The following OR5H1 variants were observed in gnomAD, a reference collection of about 807,000 sequenced individuals.
OR5H1 encodes olfactory receptor family 5 subfamily H member 1, also known as olfactory receptor 5H1.
For synonymous variants in OR5H1, 124 were observed against 134.4 expected (o/e 0.92, Z 0.54); for missense variants, 378 against 366.8 (o/e 1.03, Z -0.25).
At chr3:98,131,008 A>G (rs1708250193) in intron 1 of OR5H1, among the ~76,000 whole-genome samples, 158 bp downstream of exon 1, 1 of 152,030 alleles carries the variant, frequency 6.6e-6, no homozygotes, top group Non-Finnish European at 1.5e-5. Context: ...TTTTAGTTTT[A>G]TGACTCTAAT....
In OR5H1 at chr3:98,133,520, C is replaced by T. The variant is rs777374780; in HGVS notation, c.823C>T (p.Pro275Ser). 5.0e-6 allele frequency: 8 copies of T among 1,613,150 alleles called. No individual in the cohort carries two copies. The highest frequency in any genetic ancestry group is 6.8e-6 in the Non-Finnish European group (8 of 1,179,358). Residue 275 changes from proline (P) to serine (S), a missense_variant, in exon 2 of 2, where the codon CCT (proline) becomes TCT (serine). Pro to Ser is a moderately conservative substitution (Grantham distance 74). Transcript: ENST00000641874. ...AGCAGATGATCAAGATATGGTGGAG[C>T]CTCTATTCTACACTGTCATCATTCC... is the stretch of plus-strand genomic sequence containing the variant. ...PQADDQDMVE[P>S]LFYTVIIPLL...
Position 98,133,303 on chromosome 3 carries a change from C to T in OR5H1, c.606C>T (p.Phe202=), listed in dbSNP as rs549344883. 3.1e-6 allele frequency: 5 copies of T among 1,612,640 alleles called. No homozygotes were observed. Among genetic ancestry groups the T allele is most frequent in the Admixed American group, 1.7e-5 (1 of 59,798 alleles). The change falls in exon 2 of 2, where the codon TTC becomes TTT. Residue 202 remains phenylalanine (F), a synonymous_variant. Coordinates refer to ENST00000641874, the MANE Select transcript of OR5H1 (RefSeq NM_001005338.2). ...SSINFLMVFI[F]SGSIQVFSIV... The stretch of plus-strand genomic sequence containing the variant: ...TTAATTTTCTAATGGTTTTTATTTT[C>T]TCAGGTTCAATTCAGGTATTCAGCA...
rs768766774 is a variant in OR5H1 at position 98,133,170 on chromosome 3, T to G, written c.473T>G (p.Ile158Ser). ...SYVGGILHALIHEGFLFRLTF... is the reference protein window; with the variant it reads ...SYVGGILHALSHEGFLFRLTF... ...GTAGGTGGTATTCTTCATGCTTTAA[T>G]CCATGAAGGATTTTTATTCAGACTA... Residue 158 changes from isoleucine (I) to serine (S), a missense_variant, in exon 2 of 2, where the codon ATC becomes AGC. By Grantham distance (142) the Ile-to-Ser change is moderately radical. Coordinates refer to ENST00000641874, the MANE Select transcript of OR5H1 (RefSeq NM_001005338.2). The G allele has an allele frequency of 1.2e-6, 2 of 1,613,054 alleles. No homozygotes were observed. Among genetic ancestry groups the G allele is most frequent in the South Asian group, 1.1e-5 (1 of 91,050 alleles).
At position 98,130,764 on chromosome 3, in the gene OR5H1, T is replaced by C. The variant is rs186738192; in HGVS notation, c.-105T>C. 6.6e-6 allele frequency: 1 copy of C among 152,328 alleles called. No individual in the cohort carries two copies. The highest frequency in any genetic ancestry group is 1.9e-4 in the East Asian group (1 of 5,190). 9.4% of individuals were successfully genotyped at this position (152,328 alleles called of 1,614,324 possible). ...ATATGCCATGAATGGCTACCTGTATTATTGACATTGCTGTGCTACTGTATG... is the reference window on the plus strand; with the variant it reads ...ATATGCCATGAATGGCTACCTGTATCATTGACATTGCTGTGCTACTGTATG... On this transcript the variant is annotated 5_prime_UTR_variant, in exon 1 of 2. Coordinates refer to ENST00000641874, the MANE Select transcript of OR5H1 (RefSeq NM_001005338.2).
At position 98,132,879 on chromosome 3, in the gene OR5H1, T is replaced by C. The variant is rs374301921; in HGVS notation, c.182T>C (p.Leu61Ser). ...KDPHLHIPMYLLLGNLAFVDA... is the reference protein window; with the variant it reads ...KDPHLHIPMYSLLGNLAFVDA... ...CCTCACCTTCATATCCCAATGTACT[T>C]ACTCCTTGGGAATTTAGCTTTTGTG... The change falls in exon 2 of 2, where the codon TTA becomes TCA. Residue 61 changes from leucine (L) to serine (S), a missense_variant. Physicochemically the swap from Leu to Ser is moderately radical, Grantham distance 145. Coordinates refer to ENST00000641874, the MANE Select transcript of OR5H1 (RefSeq NM_001005338.2). The C allele has an allele frequency of 2.0e-4, 324 of 1,613,516 alleles. 1 individual carries two copies. The highest frequency in any genetic ancestry group is 1.3e-3 in the Middle Eastern group (8 of 6,054).
chr3:98,133,065 A>T lies in OR5H1; in HGVS notation c.368A>T (p.Tyr123Phe), dbSNP rs754491232. Residue 123 changes from tyrosine (Y) to phenylalanine (F), a missense_variant, in exon 2 of 2, where the codon TAT becomes TTT. Coordinates refer to ENST00000641874, the MANE Select transcript of OR5H1 (RefSeq NM_001005338.2). ...TTGGCAACGATGGCATATGATCGCT[A>T]TGTAGCCATATGCAAACCTTTACTT... The part of the protein sequence containing the change: ...FLLATMAYDR[Y>F]VAICKPLLYP... 2 of 1,613,638 alleles carry T rather than the reference A, an allele frequency of 1.2e-6. No individual in the cohort carries two copies. The highest frequency in any genetic ancestry group is 1.7e-6 in the Non-Finnish European group (2 of 1,179,678).
In OR5H1 at chr3:98,136,781, C is replaced by T. The variant is rs1327052680; in HGVS notation, c.*3142C>T. The T allele has an allele frequency of 1.3e-5, 2 of 152,180 alleles. No homozygotes were observed. Among genetic ancestry groups the T allele is most frequent in the African/African-American group, 4.8e-5 (2 of 41,424 alleles). 9.4% of individuals were successfully genotyped at this position (152,180 alleles called of 1,614,324 possible). On this transcript the variant is annotated 3_prime_UTR_variant, in exon 2 of 2. Coordinates refer to ENST00000641874, the MANE Select transcript of OR5H1 (RefSeq NM_001005338.2). ...CCACTCTCTCTCTTTCCTTTCCTCTCTCACCACGTGATCACCACACTTGCC... is the reference window on the plus strand; with the variant it reads ...CCACTCTCTCTCTTTCCTTTCCTCTTTCACCACGTGATCACCACACTTGCC...
chr3:98,132,571 A>C, intron 1 of OR5H1, 109 bp from the exon 2 acceptor site: 1 of 1,243,466 alleles, frequency 8.0e-7, no homozygotes, highest in Non-Finnish European at 1.1e-6. Context: ...CTGATCAAAA[A>C]ATTGAGAGGG....
intron 1 of OR5H1, among the ~76,000 whole-genome samples, 199 bp downstream of exon 1, chr3:98,131,049 C>T (rs1708250561): frequency 6.6e-6 from 1 of 151,648 alleles, no homozygotes; most frequent in Non-Finnish European, 1.5e-5. Context: ...CTGAATTTTT[C>T]CTTTAATATT....
chr3:98,132,790 C>G lies in OR5H1; in HGVS notation c.93C>G (p.Phe31Leu). 6.2e-7 allele frequency: 1 copy of G among 1,613,552 alleles called. No homozygotes were observed. Among genetic ancestry groups the G allele is most frequent in the Non-Finnish European group, 8.5e-7 (1 of 1,179,590 alleles). The change falls in exon 2 of 2, where the codon TTC becomes TTG. Residue 31 changes from phenylalanine to leucine, a missense_variant. Phe to Leu is a conservative substitution (Grantham distance 22). Transcript: ENST00000641874. ...PQWKIPLFLA[F>L]LVIYLITIMG... ...GGAAAATACCCCTGTTCCTGGCATT[C>G]TTGGTAATATATCTCATCACCATCA...
chr3:98,132,859 C>T lies in OR5H1; in HGVS notation c.162C>T (p.His54=), dbSNP rs531502923. The part of the protein sequence containing the change: ...GLIAVIWKDP[H]LHIPMYLLLG... ...TTGCTGTCATCTGGAAAGACCCTCA[C>T]CTTCATATCCCAATGTACTTACTCC... The change falls in exon 2 of 2, where the codon CAC becomes CAT. Residue 54 remains histidine, a synonymous_variant. Coordinates refer to ENST00000641874, the MANE Select transcript of OR5H1 (RefSeq NM_001005338.2). 781 of 1,613,502 alleles carry T rather than the reference C, an allele frequency of 4.8e-4. 1 individual carries two copies. The highest frequency in any genetic ancestry group is 3.5e-3 in the African/African-American group (260 of 74,986).
chr3:98,137,920 G>A lies in OR5H1; in HGVS notation c.*4281G>A, dbSNP rs1256617569. 1 of 152,092 alleles carries A rather than the reference G, an allele frequency of 6.6e-6. No individual in the cohort carries two copies. The highest frequency in any genetic ancestry group is 1.5e-5 in the Non-Finnish European group (1 of 68,030). The allele number at this position is 152,092 out of a possible 1,614,324, so 9.4% of individuals were successfully genotyped here. Reference sequence around the variant, plus strand: ...ATTCTGAATTGTTTGGTTTACTCATGAAAATTTCATAAGACATTAGACACA... The same window carrying A: ...ATTCTGAATTGTTTGGTTTACTCATAAAAATTTCATAAGACATTAGACACA... On this transcript the variant is annotated 3_prime_UTR_variant, in exon 2 of 2. Coordinates refer to ENST00000641874, the MANE Select transcript of OR5H1 (RefSeq NM_001005338.2).
intron 1 of OR5H1, among the ~76,000 whole-genome samples, chr3:98,131,420 T>A (rs1283103686): frequency 6.6e-6 from 1 of 151,496 alleles, no homozygotes; most frequent in Non-Finnish European, 1.5e-5. Context: ...GTAGGATCAG[T>A]GTATTTAATT....
intron 1 of OR5H1, 149 bp from the exon 2 acceptor site, chr3:98,132,531 G>A: frequency 1.2e-6 from 1 of 854,674 alleles, no homozygotes; most frequent in Non-Finnish European, 1.8e-6. Context: ...TGTCTTTATT[G>A]CAACAAATAG....
At chr3:98,132,411 C>A (rs1708266259) in intron 1 of OR5H1, among the ~76,000 whole-genome samples, 1 of 152,040 alleles carries the variant, frequency 6.6e-6, no homozygotes, top group African/African-American at 2.4e-5. Context: ...AATTTTTCTA[C>A]TGCACTCAAT....
Position 98,133,003 on chromosome 3 carries a change from T to G in OR5H1, c.306T>G (p.Phe102Leu), listed in dbSNP as rs1708274208. 6.2e-6 allele frequency: 10 copies of G among 1,613,650 alleles called. No homozygotes were observed. Among genetic ancestry groups the G allele is most frequent in the East Asian group, 2.2e-5 (1 of 44,870 alleles). The change falls in exon 2 of 2, where the codon TTT becomes TTG. Residue 102 changes from phenylalanine (F) to leucine (L), a missense_variant. By Grantham distance (22) the Phe-to-Leu change is conservative. Coordinates refer to ENST00000641874, the MANE Select transcript of OR5H1 (RefSeq NM_001005338.2). Reference protein sequence around the residue: ...ISLSECKIQFFSFAISVTTEC... With the variant: ...ISLSECKIQFLSFAISVTTEC... The stretch of plus-strand genomic sequence containing the variant: ...TCTCTGAATGCAAGATACAGTTTTT[T>G]TCGTTTGCAATCAGTGTAACCACGG...
intron 1 of OR5H1, among the ~76,000 whole-genome samples, chr3:98,131,378 A>G (rs188142496): frequency 2.0e-4 from 30 of 151,848 alleles, no homozygotes; most frequent in East Asian, 1.9e-3. Context: ...CTTGAAACCA[A>G]TATCTTTTGT....
chr3:98,133,644 CT>C lies in OR5H1; in HGVS notation c.*8del, dbSNP rs748354794. 1 of 1,579,938 alleles carries C rather than the reference CT, an allele frequency of 6.3e-7. No homozygotes were observed. The highest frequency in any genetic ancestry group is 1.8e-5 in the Admixed American group (1 of 55,958). Reference sequence around the variant, plus strand: ...CATGTTAAGGTTTCATACTAATATCCTTTCTCTAATTACAAAAATAGTCACA... The same window carrying C: ...CATGTTAAGGTTTCATACTAATATCCTTCTCTAATTACAAAAATAGTCACA... On this transcript the variant is annotated 3_prime_UTR_variant, in exon 2 of 2. Transcript: ENST00000641874.
Position 98,136,890 on chromosome 3 carries a change from C to T in OR5H1, c.*3251C>T, listed in dbSNP as rs1021318478. The T allele has an allele frequency of 2.6e-5, 4 of 152,180 alleles. No individual in the cohort carries two copies. The highest frequency in any genetic ancestry group is 4.4e-5 in the Non-Finnish European group (3 of 68,030). 9.4% of individuals were successfully genotyped at this position (152,180 alleles called of 1,614,324 possible). A position where few individuals can be genotyped will look rare whatever the true frequency, so the allele number is the denominator to read the frequency against. The stretch of plus-strand genomic sequence containing the variant: ...CATTTAAGCCTTGTTTTCTGTATAG[C>T]CTGCAGAATTGTTCTCCAAACAAAC... On this transcript the variant is annotated 3_prime_UTR_variant, in exon 2 of 2. Transcript: ENST00000641874.
Sources: allele counts gnomAD v4.1 joint callset (sites outside exome capture counted in the v4.1 genomes callset), GRCh38; gene constraint gnomAD v4.1.1; transcripts MANE v1.5; gene names NCBI Gene and HGNC (gene_info 2026-07-23, HGNC 2026-07-21).